STAT3: variants seen among roughly 807,000 people sequenced by gnomAD.
The protein encoded by STAT3 is signal transducer and activator of transcription 3.
STAT3 carries 7 observed loss-of-function variants against 114.3 expected under a neutral mutation model. The ratio of observed to expected loss-of-function variants is 0.06; its 90% CI spans 0.03 to 0.11. STAT3 has a LOEUF of 0.11. STAT3 is among the 10% of genes least tolerant of loss of function. STAT3 has a pLI of 1.00. For synonymous variants in STAT3, 331 were observed against 354.5 expected (o/e 0.93, Z 0.74); for missense variants, 364 against 960.9 (o/e 0.38, Z 8.21).
At chr17:42,335,971 G>A (rs1395749769) in intron 8 of STAT3, among the ~76,000 whole-genome samples, 1 of 152,108 alleles carries the variant, frequency 6.6e-6, no homozygotes, top group African/African-American at 2.4e-5. Flanking sequence ...TGAAAGGAGA[G>A]GGAGGGGGAC....
At chr17:42,368,953 C>G (rs1352674945) in intron 1 of STAT3, among the ~76,000 whole-genome samples, 1 of 152,100 alleles carries the variant, frequency 6.6e-6, no homozygotes, top group Non-Finnish European at 1.5e-5. Flanking sequence ...TTTGTGTTCA[C>G]AAGTCCTTAT....
intron 1 of STAT3, 67 bp from the exon 2 acceptor site, chr17:42,348,606 A>G: frequency 6.3e-7 from 1 of 1,584,760 alleles, no homozygotes; most frequent in East Asian, 2.2e-5. Flanking sequence ...AGAAGTAGCC[A>G]TTGCCCAACA....
At chr17:42,339,910 A>G (rs1008979026) in intron 4 of STAT3, among the ~76,000 whole-genome samples, 1 of 152,174 alleles carries the variant, frequency 6.6e-6, no homozygotes, top group Non-Finnish European at 1.5e-5. Context: ...CACACCTATA[A>G]TATCAGCACT....
rs1380217082 is a variant in STAT3 at position 42,339,192 on chromosome 17, G to A, written c.468+122C>T. 1.1e-5 allele frequency: 10 copies of A among 931,648 alleles called. No homozygotes were observed. The South Asian group carries it at 1.4e-4, about 13-fold the overall frequency. 57.7% of individuals were successfully genotyped at this position (931,648 alleles called of 1,614,324 possible). ...GATCGCTTGGGCCTGAGAGGTCGAG[G>A]CTGCAGTGAGCTGTGATCATGCCAC... On this transcript the variant is annotated intron_variant, in intron 5 of 23. Coordinates refer to ENST00000264657, the MANE Select transcript of STAT3 (RefSeq NM_139276.3).
At chr17:42,346,908 G>A (rs535711180) in intron 2 of STAT3, among the ~76,000 whole-genome samples, 195 bp from the exon 3 acceptor site, 1 of 152,030 alleles carries the variant, frequency 6.6e-6, no homozygotes, top group Admixed American at 6.6e-5. Flanking sequence ...ATTATTCCAG[G>A]CCAGGCATGG....
At chr17:42,327,514 T>C (rs879581705) in intron 14 of STAT3, among the ~76,000 whole-genome samples, 1 of 152,176 alleles carries the variant, frequency 6.6e-6, no homozygotes, top group Non-Finnish European at 1.5e-5. Flanking sequence ...ATTCTAATGT[T>C]GATGGGTATT....
rs145244024 is a variant in STAT3 at position 42,315,763 on chromosome 17, G to A, written c.2295C>T (p.Cys765=). ...LTFDMELTSE[C]ATSPM ...CAGCTCCTCACATGGGGGAGGTAGC[G>A]CACTCCGAGGTCAACTCCATGTCAA... Residue 765 remains cysteine, a synonymous_variant, in exon 24 of 24, where the codon TGC becomes TGT. Transcript: ENST00000264657. 91 of 1,614,044 alleles carry A rather than the reference G, an allele frequency of 5.6e-5. No homozygotes were observed. The highest frequency in any genetic ancestry group is 1.0e-4 in the Admixed American group (6 of 60,008).
intron 4 of STAT3, among the ~76,000 whole-genome samples, chr17:42,345,230 A>T (rs979802850): frequency 1.3e-5 from 2 of 151,506 alleles, no homozygotes; most frequent in Admixed American, 1.3e-4. Flanking sequence ...GCGCCATTGC[A>T]CTCTAGCCTG....
intron 1 of STAT3, among the ~76,000 whole-genome samples, chr17:42,369,859 A>G (rs994093664): frequency 3.9e-5 from 6 of 151,908 alleles, no homozygotes; most frequent in African/African-American, 1.5e-4. Context: ...GATGAGGTCT[A>G]TGTTGCCCAG....
chr17:42,386,656 A>C (rs1352873080), intron 1 of STAT3, among the ~76,000 whole-genome samples: 1 of 152,212 alleles, frequency 6.6e-6, no homozygotes, highest in East Asian at 1.9e-4. Context: ...CTCAGCCTTC[A>C]ATTAGCTGGG....
At position 42,349,827 on chromosome 17, in the gene STAT3, C is replaced by T. The variant is rs574036224; in HGVS notation, c.-23-1288G>A. On this transcript the variant is annotated intron_variant, in intron 1 of 23. Coordinates refer to ENST00000264657, the MANE Select transcript of STAT3 (RefSeq NM_139276.3). ...ATCCCAGCACTTTGGGAGGCCAAGG[C>T]GGGCAGATCACCTGAGGTCGGGAGT... Among the ~76,000 whole-genome samples the T allele has an allele frequency of 7.2e-4, 110 of 152,286 alleles. 2 individuals are homozygous for T. The South Asian group carries it at 0.02, about 27-fold the overall frequency.
At position 42,319,015 on chromosome 17, in the gene STAT3, T is replaced by G. The variant is rs180750082; in HGVS notation, c.2102-1791A>C. Among the ~76,000 whole-genome samples the G allele has an allele frequency of 3.2e-4, 49 of 150,960 alleles. No homozygotes were observed. The East Asian group carries it at 6.9e-3, about 21-fold the overall frequency. ...CTGCACTTTGGGAGGCTGAAGCAGGTGGATCACTTGAGGCCAGGAGTTCAA... is the reference window on the plus strand; with the variant it reads ...CTGCACTTTGGGAGGCTGAAGCAGGGGGATCACTTGAGGCCAGGAGTTCAA... On this transcript the variant is annotated intron_variant, in intron 21 of 23. Transcript: ENST00000264657.
At chr17:42,356,100 G>A (rs965354932) in intron 1 of STAT3, among the ~76,000 whole-genome samples, 19 of 152,158 alleles carry the variant, frequency 1.2e-4, no homozygotes, top group African/African-American at 4.6e-4. Flanking sequence ...TTTGCTGTCA[G>A]GAAAGGCCCA....
chr17:42,333,590 T>A lies in STAT3; in HGVS notation c.1049+83A>T. 6.7e-7 allele frequency: 1 copy of A among 1,500,190 alleles called. No homozygotes were observed. The highest frequency in any genetic ancestry group is 1.1e-5 in the South Asian group (1 of 87,194). 92.9% of individuals were successfully genotyped at this position (1,500,190 alleles called of 1,614,324 possible). On this transcript the variant is annotated intron_variant, in intron 10 of 23. Coordinates refer to ENST00000264657, the MANE Select transcript of STAT3 (RefSeq NM_139276.3). The surrounding 1 kb of genome is among the most constrained non-coding windows in gnomAD (Gnocchi z 5.2). ...CCTGTGACACCACACCTGGAAAGAA[T>A]GACCCTGGCCACCAACTCTACCCTC...
chr17:42,378,475 G>C (rs2084596200), intron 1 of STAT3, among the ~76,000 whole-genome samples: 1 of 151,972 alleles, frequency 6.6e-6, no homozygotes, highest in Admixed American at 6.6e-5. Flanking sequence ...TTGAACTCCT[G>C]ACCTCAAGCA....
chr17:42,322,443 T>C lies in STAT3; in HGVS notation c.1940A>G (p.Asn647Ser), dbSNP rs770986654. Residue 647 changes from asparagine to serine, a missense_variant, in exon 21 of 24, where the codon AAC becomes AGC. Asn to Ser is a conservative substitution (Grantham distance 46, BLOSUM62 1). Around this residue, in one of 5 missense-constraint regions of STAT3, gnomAD observed 11 missense variants for 85.2 expected, o/e 0.13. Coordinates refer to ENST00000264657, the MANE Select transcript of STAT3 (RefSeq NM_139276.3). ...CATGATGATTTCAGCAAATGACATG[T>C]TGTTCAGCTGCTGCTTTGTGTATGG... is the stretch of plus-strand genomic sequence containing the variant. ...VEPYTKQQLN[N>S]MSFAEIIMGY... 6.2e-7 allele frequency: 1 copy of C among 1,614,216 alleles called. No individual in the cohort carries two copies. Among genetic ancestry groups the C allele is most frequent in the Admixed American group, 1.7e-5 (1 of 60,024 alleles).
intron 15 of STAT3, among the ~76,000 whole-genome samples, chr17:42,325,633 C>A (rs1180033588): frequency 6.6e-6 from 1 of 151,512 alleles, no homozygotes; most frequent in Non-Finnish European, 1.5e-5. Flanking sequence ...GGCACAATCT[C>A]AGCTCACTGC....
intron 1 of STAT3, among the ~76,000 whole-genome samples, chr17:42,359,161 A>G (rs2083385305): frequency 6.6e-6 from 1 of 151,678 alleles, no homozygotes; most frequent in African/African-American, 2.4e-5. Flanking sequence ...GATCTCAATC[A>G]CCTGACCTCG....
chr17:42,340,878 G>A (rs1360859938), intron 4 of STAT3, among the ~76,000 whole-genome samples: 1 of 152,110 alleles, frequency 6.6e-6, no homozygotes, highest in African/African-American at 2.4e-5. Flanking sequence ...ATAAGCAAGA[G>A]CAGCAGCCTG....
Sources: gnomAD v4.1 joint callset for allele counts (sites outside exome capture counted in the v4.1 genomes callset) on GRCh38, gnomAD v4.1.1 for gene constraint, gnomAD v4.1.1 regional missense constraint, Gnocchi (gnomAD v3.1) non-coding constraint, MANE v1.5 for transcripts, NCBI Gene and HGNC (gene_info 2026-07-23, HGNC 2026-07-21) for gene names.